Variants in ISM1 observed in about 807,000 individuals in gnomAD.
The protein encoded by ISM1 is isthmin 1.
Under a neutral mutation model 46.3 loss-of-function variants are expected in ISM1, and 25 were observed. The ratio of observed to expected loss-of-function variants is 0.54; its 90% CI spans 0.39 to 0.75. The LOEUF is 0.75. ISM1 is among the 30% of genes least tolerant of loss of function. The pLI is 0.00. For missense variants in ISM1, 536 were observed against 625.4 expected (o/e 0.86, Z 1.52); for synonymous variants, 255 against 256.7 (o/e 0.99, Z 0.06).
At chr20:13,319,519 A>C in the ISM1 span, among the ~76,000 whole-genome samples, 3 of 152,174 alleles carry the variant, frequency 2.0e-5, no homozygotes, top group Non-Finnish European at 4.4e-5. Context: ...GCTAGATAGG[A>C]TATAGATCAG....
At chr20:13,309,576 A>C in the ISM1 span, among the ~76,000 whole-genome samples, 1 of 152,214 alleles carries the variant, frequency 6.6e-6, no homozygotes, top group Non-Finnish European at 1.5e-5. Context: ...TATTCAGCAC[A>C]GTTCTGGAAA....
downstream of ISM1, among the ~76,000 whole-genome samples, chr20:13,304,215 T>C (rs2040481322): frequency 1.3e-5 from 2 of 152,142 alleles, no homozygotes; most frequent in Admixed American, 1.3e-4. Flanking sequence ...CAAGGGAGAC[T>C]GGGAAATGAA....
intron 3 of ISM1, among the ~76,000 whole-genome samples, chr20:13,285,975 A>T (rs899589173): frequency 6.6e-6 from 1 of 152,154 alleles, no homozygotes; most frequent in Non-Finnish European, 1.5e-5. Flanking sequence ...AAAGCCAAGA[A>T]CACCATTTGG....
the ISM1 span, among the ~76,000 whole-genome samples, chr20:13,317,303 G>A: frequency 6.6e-6 from 1 of 150,798 alleles, no homozygotes; most frequent in Admixed American, 6.6e-5. Flanking sequence ...AATCAAAGAA[G>A]TAAATAAATT....
At chr20:13,268,870 T>A (rs550679482) in intron 1 of ISM1, among the ~76,000 whole-genome samples, 1 of 152,266 alleles carries the variant, frequency 6.6e-6, no homozygotes, top group East Asian at 1.9e-4. Context: ...AGCTCAGTTG[T>A]GCCACTGCAC....
Position 13,288,576 on chromosome 20 carries a change from C to T in ISM1, c.680C>T (p.Ser227Phe). ...TDGEGDWSLW[S>F]VCSVTCGNGN... ...GGCGAGGGTGACTGGAGTCTCTGGT[C>T]TGTCTGCAGCGTCACCTGCGGGAAC... Residue 227 changes from serine (S) to phenylalanine (F), a missense_variant, in exon 4 of 6, where the codon TCT becomes TTT. Ser to Phe is a radical substitution (Grantham distance 155). This residue lies in a region of ISM1 where 367 missense variants were observed against 376.1 expected (regional missense o/e 0.98). Coordinates refer to ENST00000262487, the MANE Select transcript of ISM1 (RefSeq NM_080826.2). 6.2e-7 allele frequency: 1 copy of T among 1,613,988 alleles called. No homozygotes were observed.
chr20:13,292,727 T>C (rs1278036741), intron 5 of ISM1, among the ~76,000 whole-genome samples: 2 of 152,130 alleles, frequency 1.3e-5, no homozygotes, highest in Non-Finnish European at 2.9e-5. Context: ...GACCTGTCTC[T>C]CAGCACAGAA....
downstream of ISM1, among the ~76,000 whole-genome samples, chr20:13,302,023 A>T (rs1400046518): frequency 1.4e-4 from 21 of 152,328 alleles, no homozygotes; most frequent in African/African-American, 5.1e-4. Flanking sequence ...AAGCAAAGAA[A>T]TAGGTAAGTA....
At chr20:13,261,994 G>A (rs564097267) in intron 1 of ISM1, among the ~76,000 whole-genome samples, 7 of 152,276 alleles carry the variant, frequency 4.6e-5, no homozygotes, top group African/African-American at 1.4e-4. Context: ...TGTCCTGTTC[G>A]ACACCCGTTC....
intron 1 of ISM1, among the ~76,000 whole-genome samples, chr20:13,238,797 T>G (rs2039682772): frequency 1.3e-5 from 2 of 152,242 alleles, no homozygotes; most frequent in Admixed American, 6.5e-5. Context: ...TCAGGTTCAC[T>G]CATGATAGCA....
At chr20:13,245,056 T>C (rs1412981071) in intron 1 of ISM1, among the ~76,000 whole-genome samples, 1 of 152,214 alleles carries the variant, frequency 6.6e-6, no homozygotes, top group Non-Finnish European at 1.5e-5. Flanking sequence ...GTCTGGGATT[T>C]TAATACCAAA....
intron 1 of ISM1, among the ~76,000 whole-genome samples, chr20:13,265,741 T>C (rs951289261): frequency 5.3e-5 from 8 of 152,144 alleles, no homozygotes; most frequent in African/African-American, 1.9e-4. Context: ...CCTTTATAAT[T>C]TTCTGGGTCA....
At chr20:13,317,484 C>T in the ISM1 span, among the ~76,000 whole-genome samples, 1 of 149,530 alleles carries the variant, frequency 6.7e-6, no homozygotes, top group Non-Finnish European at 1.5e-5. Context: ...GAATAGCCAA[C>T]AAAATATTGA....
chr20:13,232,806 ATT>A (rs2039603247), intron 1 of ISM1, among the ~76,000 whole-genome samples: 1 of 152,294 alleles, frequency 6.6e-6, no homozygotes, highest in South Asian at 2.1e-4. Context: ...CCAGGATGAT[ATT>A]TTTCTTGGTT....
chr20:13,315,300 G>A, the ISM1 span, among the ~76,000 whole-genome samples: 1 of 151,956 alleles, frequency 6.6e-6, no homozygotes, highest in Non-Finnish European at 1.5e-5. Context: ...TGTCTACAAG[G>A]AATCCACTTT....
At position 13,299,368 on chromosome 20, in the gene ISM1, A is replaced by T; in HGVS notation, c.1304A>T (p.Glu435Val). Residue 435 changes from glutamate (E) to valine (V), a missense_variant, in exon 6 of 6, where the codon GAG becomes GTG. This residue lies in a region of ISM1 where 169 missense variants were observed against 249.3 expected (regional missense o/e 0.68). Coordinates refer to ENST00000262487, the MANE Select transcript of ISM1 (RefSeq NM_080826.2). The surrounding 1 kb of genome is among the most constrained non-coding windows in gnomAD (Gnocchi z 5.8). The stretch of plus-strand genomic sequence containing the variant: ...AAGGGTGACTGGAGCAGGTATAACG[A>T]GGCCCGGCCTCCCAACAACGGACAG... ...ICKGDWSRYN[E>V]ARPPNNGQKC... 6.2e-7 allele frequency: 1 copy of T among 1,613,840 alleles called. No homozygotes were observed.
intron 1 of ISM1, among the ~76,000 whole-genome samples, chr20:13,263,729 A>G (rs1237718591): frequency 6.6e-6 from 1 of 152,236 alleles, no homozygotes; most frequent in Non-Finnish European, 1.5e-5. Flanking sequence ...GCCTGGGTGC[A>G]GTATGGCTTC....
intron 1 of ISM1, chr20:13,238,253 T>C (rs1345535040): frequency 6.6e-6 from 1 of 152,172 alleles, no homozygotes; most frequent in African/African-American, 2.4e-5. Flanking sequence ...ATGGTGACTT[T>C]TGGGGACTAA....
chr20:13,292,377 T>C lies in ISM1; in HGVS notation c.791T>C (p.Ile264Thr), dbSNP rs937937734. Reference protein sequence around the residue: ...RTCDRPNCPGIEDTFRTAATE... With the variant: ...RTCDRPNCPGTEDTFRTAATE... The stretch of plus-strand genomic sequence containing the variant: ...ATGAGCTCTTGTCTGTGTTTAGGAA[T>C]TGAAGACACTTTTAGGACAGCTGCC... Residue 264 changes from isoleucine to threonine, a missense_variant, in exon 5 of 6, where the codon ATT becomes ACT. Ile to Thr is a moderately conservative substitution (Grantham distance 89). Transcript: ENST00000262487. 11 of 1,595,350 alleles carry C rather than the reference T, an allele frequency of 6.9e-6. No individual in the cohort carries two copies. Among genetic ancestry groups the C allele is most frequent in the Non-Finnish European group, 9.4e-6 (11 of 1,169,194 alleles).
Sources: allele counts gnomAD v4.1 joint callset (sites outside exome capture counted in the v4.1 genomes callset), GRCh38; gene constraint gnomAD v4.1.1; regional missense constraint gnomAD v4.1.1; non-coding constraint Gnocchi (gnomAD v3.1); transcripts MANE v1.5; gene names NCBI Gene and HGNC (gene_info 2026-07-23, HGNC 2026-07-21).